The following TBC1D5 variants were observed in gnomAD, a reference collection of about 807,000 sequenced individuals.
TBC1D5 encodes the protein TBC1 domain family member 5.
A neutral mutation model predicts 100.3 loss-of-function variants in TBC1D5; 75 were observed. The observed-to-expected ratio is 0.75, with a 90% CI of 0.62 to 0.91. TBC1D5 has a LOEUF of 0.91. TBC1D5 is among the 40% of genes least tolerant of loss of function. The probability of loss-of-function intolerance (pLI) is 0.00; values close to 1 mark genes in which losing one functional copy is unlikely to be tolerated. For missense variants in TBC1D5, 910 were observed against 942.4 expected (o/e 0.97, Z 0.45); for synonymous variants, 323 against 325.6 (o/e 0.99, Z 0.09).
At chr3:17,522,873 T>C (rs2096077976) in intron 2 of TBC1D5, among the ~76,000 whole-genome samples, 1 of 152,188 alleles carries the variant, frequency 6.6e-6, no homozygotes, top group Admixed American at 6.5e-5. Context: ...ATTTTTAGAA[T>C]TTTGAAATCT....
chr3:17,705,769 C>G (rs1264632329), intron 1 of TBC1D5, among the ~76,000 whole-genome samples: 1 of 138,496 alleles, frequency 7.2e-6, no homozygotes, highest in South Asian at 2.5e-4. Flanking sequence ...CCAGACTGGG[C>G]AGCCAGGCAG....
At chr3:17,586,228 T>C (rs1216409385) in intron 2 of TBC1D5, 1 of 152,142 alleles carries the variant, frequency 6.6e-6, no homozygotes, top group African/African-American at 2.4e-5. Flanking sequence ...CAATCTAAAT[T>C]TGGCAGAAGT....
At chr3:17,164,481 T>C (rs541683767) in intron 21 of TBC1D5, among the ~76,000 whole-genome samples, 1 of 152,350 alleles carries the variant, frequency 6.6e-6, no homozygotes, top group Admixed American at 6.5e-5. Flanking sequence ...TGGCCCTCCA[T>C]AACTGGGAGC....
intron 1 of TBC1D5, among the ~76,000 whole-genome samples, chr3:17,706,418 T>G (rs2074176168): frequency 9.0e-6 from 1 of 111,646 alleles, no homozygotes; most frequent in Admixed American, 9.2e-5. Flanking sequence ...GAATCAACTT[T>G]ACTTACACAC....
At chr3:17,531,230 C>T (rs947375754) in intron 2 of TBC1D5, among the ~76,000 whole-genome samples, 1 of 152,176 alleles carries the variant, frequency 6.6e-6, no homozygotes, top group African/African-American at 2.4e-5. Flanking sequence ...AACTCCCATT[C>T]ACAATTGCTT....
intron 3 of TBC1D5, among the ~76,000 whole-genome samples, chr3:17,469,150 C>A (rs944993854): frequency 6.6e-6 from 1 of 151,578 alleles, no homozygotes; most frequent in Non-Finnish European, 1.5e-5. Context: ...GAATTAAGTA[C>A]CAAGAACTGA....
intron 2 of TBC1D5, among the ~76,000 whole-genome samples, chr3:17,530,070 C>T (rs113943390): frequency 2.0e-5 from 3 of 151,880 alleles, no homozygotes; most frequent in Non-Finnish European, 4.4e-5. Context: ...ATAGTGAAAT[C>T]CCATCTCTAC....
At chr3:17,669,978 C>T (rs780231467) in intron 1 of TBC1D5, among the ~76,000 whole-genome samples, 20 of 152,138 alleles carry the variant, frequency 1.3e-4, no homozygotes, top group Non-Finnish European at 2.5e-4. Context: ...CTCCGCCTCC[C>T]GGGTTCAAGA....
chr3:17,438,384 C>T (rs552205544), intron 3 of TBC1D5, among the ~76,000 whole-genome samples: 1 of 152,010 alleles, frequency 6.6e-6, no homozygotes, highest in African/African-American at 2.4e-5. Flanking sequence ...TCCCATAATC[C>T]CCACATATCA....
intron 17 of TBC1D5, among the ~76,000 whole-genome samples, chr3:17,231,396 A>T (rs771389445): frequency 2.6e-5 from 4 of 152,092 alleles, no homozygotes; most frequent in Non-Finnish European, 5.9e-5. Flanking sequence ...TTATTGATCT[A>T]AATTATGGAA....
chr3:17,232,659 T>C (rs1377607520), intron 17 of TBC1D5, among the ~76,000 whole-genome samples: 1 of 152,178 alleles, frequency 6.6e-6, no homozygotes, highest in Non-Finnish European at 1.5e-5. Context: ...CAGAACTATA[T>C]ATAGAAGTGA....
chr3:17,439,966 T>C (rs2094615658), intron 3 of TBC1D5, among the ~76,000 whole-genome samples: 1 of 152,170 alleles, frequency 6.6e-6, no homozygotes, highest in Non-Finnish European at 1.5e-5. Flanking sequence ...AATTCAAACT[T>C]TGTCATAAAT....
intron 5 of TBC1D5, among the ~76,000 whole-genome samples, chr3:17,406,014 A>G (rs1458053461): frequency 1.3e-5 from 2 of 152,064 alleles, no homozygotes; most frequent in Non-Finnish European, 1.5e-5. Flanking sequence ...AATATTTTCC[A>G]GCTGCCATTT....
At chr3:17,207,732 G>A (rs1016130382) in intron 18 of TBC1D5, among the ~76,000 whole-genome samples, 1 of 152,174 alleles carries the variant, frequency 6.6e-6, no homozygotes, top group African/African-American at 2.4e-5. Flanking sequence ...TATGATGCTT[G>A]TCCAGGATAT....
chr3:17,586,315 T>G (rs2096732527), intron 2 of TBC1D5: 1 of 152,210 alleles, frequency 6.6e-6, no homozygotes, highest in African/African-American at 2.4e-5. Flanking sequence ...GAGAGTATTC[T>G]ATCTTAAAAT....
chr3:17,430,560 G>C (rs190359811), intron 3 of TBC1D5, among the ~76,000 whole-genome samples: 1 of 151,810 alleles, frequency 6.6e-6, no homozygotes, highest in East Asian at 1.9e-4. Flanking sequence ...AGCAAATAAG[G>C]AGTACAATTG....
intron 3 of TBC1D5, among the ~76,000 whole-genome samples, chr3:17,433,243 T>C (rs376402316): frequency 1.6e-4 from 24 of 152,154 alleles, no homozygotes; most frequent in African/African-American, 5.6e-4. Flanking sequence ...CGGACATGAA[T>C]AGAACATACA....
intron 15 of TBC1D5, among the ~76,000 whole-genome samples, chr3:17,278,894 T>C (rs993586568): frequency 2.0e-5 from 3 of 152,260 alleles, no homozygotes; most frequent in African/African-American, 4.8e-5. Context: ...ATTAACCATG[T>C]GAGAAATTAT....
At chr3:17,562,592 C>T (rs746868175) in intron 2 of TBC1D5, among the ~76,000 whole-genome samples, 1 of 151,700 alleles carries the variant, frequency 6.6e-6, no homozygotes, top group Non-Finnish European at 1.5e-5. Context: ...GAGTGATATG[C>T]CAGGGACTGT....
Sources: allele counts gnomAD v4.1 joint callset (sites outside exome capture counted in the v4.1 genomes callset), GRCh38; gene constraint gnomAD v4.1.1; transcripts MANE v1.5; gene names NCBI Gene and HGNC (gene_info 2026-07-23, HGNC 2026-07-21).